AGBL4: variants seen among roughly 807,000 people sequenced by gnomAD.
The protein encoded by AGBL4 is AGBL carboxypeptidase 4.
A neutral mutation model predicts 66.4 loss-of-function variants in AGBL4; 58 were observed. The ratio of observed to expected loss-of-function variants is 0.87; its 90% CI spans 0.71 to 1.09. The LOEUF (loss-of-function observed/expected upper bound fraction) is 1.09, where lower values mean the gene tolerates loss of function less well. AGBL4 is among the 50% of genes least tolerant of loss of function. AGBL4 has a pLI of 0.00. For synonymous variants in AGBL4, 234 were observed against 222.9 expected (o/e 1.05, Z -0.44); for missense variants, 579 against 631.0 (o/e 0.92, Z 0.88).
At chr1:49,005,575 T>C (rs1661724483) in intron 5 of AGBL4, among the ~76,000 whole-genome samples, 1 of 152,246 alleles carries the variant, frequency 6.6e-6, no homozygotes, top group South Asian at 2.1e-4. Context: ...CAGTATATTG[T>C]TATAATTGTT....
At chr1:48,653,575 C>G in intron 7 of AGBL4, 124 bp from the exon 8 acceptor site, 2 of 669,040 alleles carry the variant, frequency 3.0e-6, no homozygotes. Context: ...TTATTGGCCA[C>G]TGTGGGTGTG....
intron 6 of AGBL4, among the ~76,000 whole-genome samples, chr1:48,681,327 G>A (rs1646451441): frequency 6.6e-6 from 1 of 152,220 alleles, no homozygotes; most frequent in Non-Finnish European, 1.5e-5. Context: ...TGTGAATCCT[G>A]CCCTTGTAGG....
intron 4 of AGBL4, among the ~76,000 whole-genome samples, chr1:49,173,087 C>T (rs1330409433): frequency 1.3e-5 from 2 of 151,962 alleles, no homozygotes; most frequent in African/African-American, 4.8e-5. Context: ...CCATTGCCCT[C>T]CAGCCTGGGT....
intron 4 of AGBL4, among the ~76,000 whole-genome samples, chr1:49,140,137 T>A (rs572273017): frequency 5.9e-5 from 9 of 152,350 alleles, no homozygotes; most frequent in Non-Finnish European, 1.3e-4. Flanking sequence ...CTGACTCTAA[T>A]ACTTTTTACA....
chr1:49,311,182 CT>C (rs1264387098), intron 3 of AGBL4, among the ~76,000 whole-genome samples: 1 of 152,012 alleles, frequency 6.6e-6, no homozygotes, highest in Non-Finnish European at 1.5e-5. Context: ...TTATTTTTGT[CT>C]GTTCCTCAAA....
chr1:48,639,008 C>T (rs1474052234), intron 8 of AGBL4, among the ~76,000 whole-genome samples: 2 of 152,172 alleles, frequency 1.3e-5, no homozygotes, highest in Non-Finnish European at 2.9e-5. Flanking sequence ...CCGTTCTGGA[C>T]TTCATAGTCT....
intron 1 of AGBL4, among the ~76,000 whole-genome samples, chr1:49,864,481 G>C (rs1646652403): frequency 6.6e-6 from 1 of 152,152 alleles, no homozygotes; most frequent in Non-Finnish European, 1.5e-5. Flanking sequence ...TGAGGTATCA[G>C]GCTCTCTCAT....
intron 3 of AGBL4, among the ~76,000 whole-genome samples, chr1:49,379,391 A>G (rs1436311603): frequency 6.6e-6 from 1 of 152,200 alleles, no homozygotes; most frequent in African/African-American, 2.4e-5. Flanking sequence ...TGCCTGGCAC[A>G]GAATGGGAAT....
At chr1:48,884,448 T>G (rs1372383194) in intron 5 of AGBL4, among the ~76,000 whole-genome samples, 2 of 151,922 alleles carry the variant, frequency 1.3e-5, no homozygotes, top group Non-Finnish European at 2.9e-5. Flanking sequence ...GAGCCCACAG[T>G]AGGTGATCAC....
intron 3 of AGBL4, among the ~76,000 whole-genome samples, chr1:49,695,915 A>G (rs1346952264): frequency 1.3e-5 from 2 of 152,094 alleles, no homozygotes; most frequent in Non-Finnish European, 2.9e-5. Context: ...ATTGTATAGA[A>G]GAAGGCTCAG....
At chr1:49,877,501 G>A (rs1253904412) in intron 1 of AGBL4, among the ~76,000 whole-genome samples, 3 of 150,780 alleles carry the variant, frequency 2.0e-5, no homozygotes, top group African/African-American at 7.3e-5. Context: ...GCATCCCAGG[G>A]ATGAAGCCCA....
At position 48,852,015 on chromosome 1, in the gene AGBL4, C is replaced by CTTTTTTTTT. The variant is rs138826187; in HGVS notation, c.634+15167_634+15175dup. ...GGTTCTGGTATGTGCCAGATACGTA[C>CTTTTTTTTT]TTTTTTTTTTTTTTTTTTTTTTTTC... is the stretch of plus-strand genomic sequence containing the variant. On this transcript the variant is annotated intron_variant, in intron 6 of 13. Coordinates refer to ENST00000371839, the MANE Select transcript of AGBL4 (RefSeq NM_032785.4). Among the ~76,000 whole-genome samples the CTTTTTTTTT allele has an allele frequency of 9.2e-4, 66 of 71,928 alleles. 2 individuals are homozygous for CTTTTTTTTT. The highest frequency in any genetic ancestry group is 3.0e-3 in the African/African-American group (59 of 19,832). The allele number at this position is 71,928 out of a possible 152,430, so 47.2% of individuals were successfully genotyped here. A position where few individuals can be genotyped will look rare whatever the true frequency, so the allele number is the denominator to read the frequency against.
chr1:49,602,821 CAATAAATA>C (rs146769913), intron 3 of AGBL4, among the ~76,000 whole-genome samples: 13,761 of 144,010 alleles, frequency 0.096, 868 homozygotes, highest in African/African-American at 0.17. Flanking sequence ...ACTTAAAGTA[CAATAAATA>C]AATAAATAAA....
At chr1:49,117,449 T>A (rs1337435542) in intron 4 of AGBL4, among the ~76,000 whole-genome samples, 1 of 152,226 alleles carries the variant, frequency 6.6e-6, no homozygotes, top group Non-Finnish European at 1.5e-5. Context: ...GCTAGCCAGT[T>A]TTCCCAGCAC....
chr1:48,690,581 A>C (rs1055407989), intron 6 of AGBL4, among the ~76,000 whole-genome samples: 4 of 152,176 alleles, frequency 2.6e-5, no homozygotes, highest in African/African-American at 9.7e-5. Context: ...GTGGCAAGTC[A>C]CATATAAGAT....
intron 3 of AGBL4, among the ~76,000 whole-genome samples, chr1:49,293,897 C>CA (rs1248361289): frequency 2.6e-5 from 4 of 151,854 alleles, no homozygotes; most frequent in South Asian, 2.1e-4. Context: ...CCAGGGCCAA[C>CA]AAAAAAAATT....
intron 3 of AGBL4, among the ~76,000 whole-genome samples, chr1:49,465,210 T>TAC (rs3054630): frequency 0.053 from 6,203 of 116,736 alleles, 208 homozygotes; most frequent in East Asian, 0.12. Flanking sequence ...TACCCCTACA[T>TAC]ACACACACAC....
chr1:48,609,201 T>C (rs1024766624), intron 9 of AGBL4, among the ~76,000 whole-genome samples: 1 of 152,158 alleles, frequency 6.6e-6, no homozygotes. Flanking sequence ...ATCCATCCTC[T>C]ATGCATGGCT....
chr1:49,059,214 T>A (rs796965965), intron 4 of AGBL4, among the ~76,000 whole-genome samples: 1 of 152,360 alleles, frequency 6.6e-6, no homozygotes, highest in African/African-American at 2.4e-5. Flanking sequence ...CCCTGCTCTG[T>A]GCAGCCTTGG....
Sources: gnomAD v4.1 joint callset for allele counts (sites outside exome capture counted in the v4.1 genomes callset) on GRCh38, gnomAD v4.1.1 for gene constraint, MANE v1.5 for transcripts, NCBI Gene and HGNC (gene_info 2026-07-23, HGNC 2026-07-21) for gene names.